CSMD1: variants seen among roughly 807,000 people sequenced by gnomAD.
CSMD1 encodes CUB and sushi domain-containing protein 1.
A neutral mutation model predicts 417.5 loss-of-function variants in CSMD1; 213 were observed. The observed-to-expected ratio is 0.51, with a 90% CI of 0.46 to 0.57. The LOEUF (loss-of-function observed/expected upper bound fraction) is 0.57, where lower values mean the gene tolerates loss of function less well. Ranked by LOEUF, CSMD1 falls within the 20% of genes least tolerant of loss-of-function variation. The probability of loss-of-function intolerance (pLI) is 0.00; values close to 1 mark genes in which losing one functional copy is unlikely to be tolerated. For synonymous variants in CSMD1, 2,862 were observed against 1,736.8 expected (o/e 1.65, Z -16.11); for missense variants, 6,923 against 4,529.7 (o/e 1.53, Z -15.17).
At chr8:3,254,700 G>C (rs546681305) in intron 26 of CSMD1, among the ~76,000 whole-genome samples, 3 of 152,086 alleles carry the variant, frequency 2.0e-5, no homozygotes, top group South Asian at 2.1e-4. Context: ...CTTAGTTCTC[G>C]AGCCTTGGTT....
chr8:4,082,317 T>C (rs1423570800), intron 3 of CSMD1, among the ~76,000 whole-genome samples: 1 of 152,146 alleles, frequency 6.6e-6, no homozygotes. Flanking sequence ...ATTTAATATT[T>C]GATATTACAA....
intron 3 of CSMD1, among the ~76,000 whole-genome samples, chr8:4,168,142 A>ACT (rs1554478575): frequency 1.1e-3 from 14 of 12,272 alleles, no homozygotes; most frequent in Non-Finnish European, 3.3e-3. Context: ...AATAAAAAAA[A>ACT]ATATACACAC....
chr8:3,477,790 G>A (rs1186689958), intron 11 of CSMD1, among the ~76,000 whole-genome samples: 1 of 152,114 alleles, frequency 6.6e-6, no homozygotes, highest in Non-Finnish European at 1.5e-5. Flanking sequence ...CAAGTAAAGT[G>A]AGTTACACGT....
intron 26 of CSMD1, chr8:3,278,320 A>G (rs1366073229): frequency 6.6e-6 from 1 of 152,210 alleles, no homozygotes; most frequent in Admixed American, 6.5e-5. Flanking sequence ...TGGGAAAAAT[A>G]TAGTAATTCA....
chr8:4,219,530 G>A (rs1008332306), intron 3 of CSMD1, among the ~76,000 whole-genome samples: 7 of 147,540 alleles, frequency 4.7e-5, no homozygotes, highest in African/African-American at 7.6e-5. Context: ...CACCGCAAAC[G>A]TGACTTAAAC....
intron 1 of CSMD1, among the ~76,000 whole-genome samples, chr8:4,670,774 T>G (rs1186237893): frequency 1.3e-5 from 2 of 152,116 alleles, no homozygotes; most frequent in Admixed American, 1.3e-4. Flanking sequence ...AAATTTATAA[T>G]ATAAAGAAAA....
chr8:4,860,828 A>G lies in CSMD1; in HGVS notation c.85+133504T>C, dbSNP rs1047736835. 9.2e-5 allele frequency among the ~76,000 whole-genome samples: 14 copies of G among 152,204 alleles called. No individual in the cohort carries two copies. In the East Asian group the frequency reaches 2.5e-3, roughly 27 times the overall value. ...CCTGTAATCATTTGCAGTGTCCCCA[A>G]CACAGCATAATTATTTCTGCGTAAA... On this transcript the variant is annotated intron_variant, in intron 1 of 69. Coordinates refer to ENST00000635120, the MANE Select transcript of CSMD1 (RefSeq NM_033225.6).
chr8:3,330,022 A>C (rs1322022995), intron 23 of CSMD1, among the ~76,000 whole-genome samples: 1 of 152,190 alleles, frequency 6.6e-6, no homozygotes, highest in African/African-American at 2.4e-5. Flanking sequence ...TGTGTGGAGG[A>C]ATGGACTGTA....
In CSMD1 at chr8:4,196,423, G is replaced by A. The variant is rs145477364; in HGVS notation, c.416-164324C>T. On this transcript the variant is annotated intron_variant, in intron 3 of 69. Coordinates refer to ENST00000635120, the MANE Select transcript of CSMD1 (RefSeq NM_033225.6). The stretch of plus-strand genomic sequence containing the variant: ...TAGACAAAAATCAAGGCGTTTTCAG[G>A]CTACAGTCCTTTCTGAAGCCTCTTA... Among the ~76,000 whole-genome samples, 183 of 152,188 alleles carry A rather than the reference G, an allele frequency of 1.2e-3. 1 individual carries two copies. Among genetic ancestry groups the A allele is most frequent in the African/African-American group, 4.1e-3 (171 of 41,520 alleles).
At chr8:4,931,016 A>G (rs1445415468) in intron 1 of CSMD1, among the ~76,000 whole-genome samples, 2 of 152,174 alleles carry the variant, frequency 1.3e-5, no homozygotes, top group African/African-American at 4.8e-5. Context: ...TCAATGGGAG[A>G]CATGAGAAAA....
chr8:4,770,121 T>G (rs137875758), intron 1 of CSMD1, among the ~76,000 whole-genome samples: 1,582 of 151,518 alleles, frequency 0.01, 11 homozygotes, highest in East Asian at 0.052. Flanking sequence ...TTAACGTTGT[T>G]ACAATACCCA....
chr8:3,348,947 T>A (rs893630788), intron 21 of CSMD1, among the ~76,000 whole-genome samples: 13 of 152,124 alleles, frequency 8.5e-5, no homozygotes, highest in African/African-American at 2.9e-4. Context: ...AAACTCTAAG[T>A]CCAATACGAT....
intron 5 of CSMD1, among the ~76,000 whole-genome samples, chr8:3,968,440 C>G (rs909812042): frequency 2.0e-5 from 3 of 152,132 alleles, no homozygotes; most frequent in African/African-American, 7.2e-5. Context: ...CACTCAGCAA[C>G]CCACACAATG....
chr8:3,968,938 C>T (rs1004647037), intron 5 of CSMD1, among the ~76,000 whole-genome samples: 3 of 152,064 alleles, frequency 2.0e-5, no homozygotes, highest in East Asian at 1.9e-4. Flanking sequence ...GCATTGAAAC[C>T]GACTACTCTT....
intron 3 of CSMD1, among the ~76,000 whole-genome samples, chr8:4,306,554 C>A (rs916118393): frequency 8.6e-5 from 13 of 152,038 alleles, no homozygotes; most frequent in African/African-American, 3.1e-4. Context: ...CTTCCTTATG[C>A]AAAAAAACAG....
intron 3 of CSMD1, among the ~76,000 whole-genome samples, chr8:4,086,120 A>T (rs191231279): frequency 1.4e-4 from 22 of 152,350 alleles, no homozygotes; most frequent in Admixed American, 4.6e-4. Context: ...TCTATGAGGT[A>T]GATGTTATTG....
At chr8:4,038,870 A>G (rs756936514) in intron 3 of CSMD1, among the ~76,000 whole-genome samples, 36 of 152,188 alleles carry the variant, frequency 2.4e-4, no homozygotes, top group Non-Finnish European at 5.1e-4. Context: ...AACTTGAAAC[A>G]TAGGCTGCCA....
At chr8:4,941,608 A>AT (rs71535913) in intron 1 of CSMD1, among the ~76,000 whole-genome samples, 6 of 150,794 alleles carry the variant, frequency 4.0e-5, no homozygotes, top group African/African-American at 7.3e-5. Flanking sequence ...TTTAATTTTT[A>AT]TTTTTTTTGA....
chr8:4,263,550 T>C (rs1467373801), intron 3 of CSMD1, among the ~76,000 whole-genome samples: 1 of 152,214 alleles, frequency 6.6e-6, no homozygotes, highest in African/African-American at 2.4e-5. Context: ...CTTTGATGTC[T>C]TTCTTGGAAA....
Sources: gnomAD v4.1 joint callset for allele counts (sites outside exome capture counted in the v4.1 genomes callset) on GRCh38, gnomAD v4.1.1 for gene constraint, MANE v1.5 for transcripts, NCBI Gene and HGNC (gene_info 2026-07-23, HGNC 2026-07-21) for gene names.